MOSPD2: variants seen among roughly 807,000 people sequenced by gnomAD.
MOSPD2 encodes the protein motile sperm domain-containing protein 2.
MOSPD2 carries 5 observed loss-of-function variants against 41.7 expected under a neutral mutation model. The ratio of observed to expected loss-of-function variants is 0.12; its 90% CI spans 0.06 to 0.25. MOSPD2 has a LOEUF of 0.25. Ranked by LOEUF, MOSPD2 falls within the 10% of genes least tolerant of loss-of-function variation. The pLI is 1.00. For synonymous variants in MOSPD2, 115 were observed against 126.9 expected (o/e 0.91, Z 0.63); for missense variants, 282 against 375.2 (o/e 0.75, Z 2.05).
At chrX:14,884,617 A>G (rs533713570) in intron 2 of MOSPD2, among the ~76,000 whole-genome samples, 40 of 111,840 alleles carry the variant, frequency 3.6e-4, no homozygotes, top group African/African-American at 1.3e-3. Flanking sequence ...TACTATAAAT[A>G]TAAACTGATT....
Position 14,908,774 on chromosome X carries a change from T to G in MOSPD2, c.578-86T>G, listed in dbSNP as rs1056612532. ...TAACAGATTATAGCCCAAACTGATT[T>G]CAGAAGACCTGGGTTAGCATTTATG... On this transcript the variant is annotated intron_variant, in intron 7 of 14. Coordinates refer to ENST00000380492, the MANE Select transcript of MOSPD2 (RefSeq NM_152581.4). 6.7e-6 allele frequency: 6 copies of G among 897,014 alleles called. No individual in the cohort carries two copies. In the Admixed American group the frequency reaches 1.8e-4, roughly 27 times the overall value. The allele number at this position is 897,014 out of a possible 1,213,427, so 73.9% of individuals were successfully genotyped here.
chrX:14,884,943 C>T (rs1422462337), intron 2 of MOSPD2, among the ~76,000 whole-genome samples: 2 of 110,966 alleles, frequency 1.8e-5, no homozygotes, highest in African/African-American at 6.5e-5. Flanking sequence ...GCAAAAAGCA[C>T]CCAGAATCAT....
intron 6 of MOSPD2, among the ~76,000 whole-genome samples, chrX:14,902,392 T>C (rs1449171418): frequency 1.8e-5 from 2 of 111,898 alleles, no homozygotes; most frequent in African/African-American, 6.5e-5. Context: ...AGTGTGTAAA[T>C]AATACTTATG....
chrX:14,899,559 T>C (rs868732770), intron 5 of MOSPD2, among the ~76,000 whole-genome samples: 1 of 63,043 alleles, frequency 1.6e-5, no homozygotes, highest in African/African-American at 5.3e-5. Flanking sequence ...ATATATATTA[T>C]ATACATACAC....
intron 7 of MOSPD2, 48 bp from the exon 8 acceptor site, chrX:14,908,812 A>C: frequency 8.9e-7 from 1 of 1,117,902 alleles, no homozygotes; most frequent in East Asian, 3.2e-5. Flanking sequence ...AAATTAATTG[A>C]GACTAGGAAT....
chrX:14,888,202 ACAC>A (rs2092545827), intron 2 of MOSPD2, among the ~76,000 whole-genome samples: 1 of 40,729 alleles, frequency 2.5e-5, no homozygotes, highest in Non-Finnish European at 4.8e-5. Flanking sequence ...ATATACACAC[ACAC>A]GCACACACAC....
intron 2 of MOSPD2, among the ~76,000 whole-genome samples, chrX:14,881,850 A>G (rs1272234967): frequency 8.9e-6 from 1 of 111,807 alleles, no homozygotes; most frequent in African/African-American, 3.3e-5. Context: ...TGATGAGTTC[A>G]TATCCTTTGT....
intron 6 of MOSPD2, 41 bp from the exon 7 acceptor site, chrX:14,902,925 G>A (rs751355607): frequency 4.0e-6 from 4 of 996,450 alleles, no homozygotes; most frequent in Admixed American, 4.5e-5. Context: ...TTATTATAGA[G>A]GTACTGATTC....
At chrX:14,885,889 A>G (rs1456128354) in intron 2 of MOSPD2, among the ~76,000 whole-genome samples, 2 of 112,291 alleles carry the variant, frequency 1.8e-5, no homozygotes, top group East Asian at 5.5e-4. Context: ...AGGAAATAAA[A>G]CAGTTTATTA....
intron 6 of MOSPD2, among the ~76,000 whole-genome samples, chrX:14,901,684 C>T (rs2092573418): frequency 9.1e-6 from 1 of 110,217 alleles, no homozygotes; most frequent in Non-Finnish European, 1.9e-5. Context: ...CTGTATCTGG[C>T]ATGTACCCTG....
intron 2 of MOSPD2, among the ~76,000 whole-genome samples, chrX:14,888,789 G>A (rs774696763): frequency 1.4e-4 from 16 of 110,463 alleles, no homozygotes; most frequent in African/African-American, 5.3e-4. Context: ...GTGTGTTTGT[G>A]TGCATGCATG....
intron 2 of MOSPD2, among the ~76,000 whole-genome samples, chrX:14,886,546 C>T (rs1449936861): frequency 4.9e-5 from 5 of 101,874 alleles, no homozygotes; most frequent in African/African-American, 1.8e-4. Flanking sequence ...CGCACACACA[C>T]GAGAGAGAGA....
At position 14,903,752 on chromosome X, in the gene MOSPD2, C is replaced by T. The variant is rs1464304841; in HGVS notation, c.577+748C>T. Among the ~76,000 whole-genome samples the T allele has an allele frequency of 3.6e-5, 4 of 111,625 alleles. No individual in the cohort carries two copies. The East Asian group carries it at 1.1e-3, about 31-fold the overall frequency. ...AAATTTGGTTCTTTGGAAAATGCAACACAATTGACAAACCTTTAGCTAATA... is the reference window on the plus strand; with the variant it reads ...AAATTTGGTTCTTTGGAAAATGCAATACAATTGACAAACCTTTAGCTAATA... On this transcript the variant is annotated intron_variant, in intron 7 of 14. Coordinates refer to ENST00000380492, the MANE Select transcript of MOSPD2 (RefSeq NM_152581.4).
In MOSPD2 at chrX:14,883,032, TAAAAATAC is replaced by T. The variant is rs767151097; in HGVS notation, c.79+9281_79+9288del. Among the ~76,000 whole-genome samples, 116 of 110,295 alleles carry T rather than the reference TAAAAATAC, an allele frequency of 1.1e-3. 1 individual carries two copies. The highest frequency in any genetic ancestry group is 3.5e-3 in the African/African-American group (107 of 30,288). ...CAAGATGGTGAAACCCCATCTCTACTAAAAATACAAAAATTAGCCGGTCGTGGTGGTGG... is the reference window on the plus strand; with the variant it reads ...CAAGATGGTGAAACCCCATCTCTACTAAAAATTAGCCGGTCGTGGTGGTGG... On this transcript the variant is annotated intron_variant, in intron 2 of 14. Transcript: ENST00000380492.
intron 2 of MOSPD2, among the ~76,000 whole-genome samples, chrX:14,878,634 T>C (rs994001198): frequency 9.0e-6 from 1 of 111,686 alleles, no homozygotes; most frequent in Non-Finnish European, 1.9e-5. Flanking sequence ...GTAATTGTGG[T>C]TTTTGCCATT....
At chrX:14,885,137 A>G (rs940191821) in intron 2 of MOSPD2, among the ~76,000 whole-genome samples, 4 of 111,797 alleles carry the variant, frequency 3.6e-5, no homozygotes, top group Non-Finnish European at 5.7e-5. Context: ...CTGCCCAACT[A>G]GTACAGAATA....
At chrX:14,901,257 G>A in intron 6 of MOSPD2, among the ~76,000 whole-genome samples, 1 of 111,106 alleles carries the variant, frequency 9.0e-6, no homozygotes, top group Non-Finnish European at 1.9e-5. Context: ...TGTATGATGG[G>A]TTCACCCTAG....
intron 7 of MOSPD2, among the ~76,000 whole-genome samples, chrX:14,904,279 A>G (rs1382484753): frequency 8.9e-6 from 1 of 112,093 alleles, no homozygotes; most frequent in Non-Finnish European, 1.9e-5. Context: ...AGCATATAAA[A>G]AGGATTATAC....
chrX:14,906,139 T>A (rs192111902), intron 7 of MOSPD2, among the ~76,000 whole-genome samples: 8 of 111,941 alleles, frequency 7.1e-5, no homozygotes, highest in African/African-American at 2.6e-4. Flanking sequence ...AATCTTGAAA[T>A]AGAAACACAG....
Sources: allele counts gnomAD v4.1 joint callset (sites outside exome capture counted in the v4.1 genomes callset), GRCh38; gene constraint gnomAD v4.1.1; transcripts MANE v1.5; gene names NCBI Gene and HGNC (gene_info 2026-07-23, HGNC 2026-07-21).